CNIH3: variants seen among roughly 807,000 people sequenced by gnomAD.
CNIH3 encodes protein cornichon homolog 3.
CNIH3 carries 14 observed loss-of-function variants against 24.1 expected under a neutral mutation model. That is an observed-to-expected ratio of 0.58 (90% CI 0.38 to 0.91). CNIH3 has a LOEUF of 0.91. CNIH3 is among the 40% of genes least tolerant of loss of function. CNIH3 has a pLI of 0.00. For missense variants in CNIH3, 178 were observed against 196.8 expected (o/e 0.90, Z 0.57); for synonymous variants, 68 against 73.8 (o/e 0.92, Z 0.40).
chr1:224,498,675 C>T (rs1269450529), intron 1 of CNIH3, among the ~76,000 whole-genome samples: 2 of 152,162 alleles, frequency 1.3e-5, no homozygotes, highest in Non-Finnish European at 2.9e-5. Flanking sequence ...GTTTGGAATG[C>T]AGGTGGGAGT....
upstream of CNIH3, among the ~76,000 whole-genome samples, chr1:224,614,412 A>G (rs1242546527): frequency 6.6e-6 from 1 of 152,128 alleles, no homozygotes; most frequent in Non-Finnish European, 1.5e-5. Context: ...TGTGGTGCAC[A>G]CCTATAATCC....
chr1:224,732,758 G>A (rs1364445404), intron 4 of CNIH3, among the ~76,000 whole-genome samples: 1 of 152,206 alleles, frequency 6.6e-6, no homozygotes, highest in Admixed American at 6.5e-5. Context: ...GCTTCGTGGG[G>A]CTAGCGCTTG....
At chr1:224,617,330 C>A in intron 1 of CNIH3, 75 bp downstream of exon 1, 2 of 1,531,814 alleles carry the variant, frequency 1.3e-6, no homozygotes, top group Non-Finnish European at 1.8e-6. Flanking sequence ...CCACTTTTTC[C>A]ACCTTGCGGG....
At chr1:224,480,715 C>T (rs774253795) in intron 1 of CNIH3, among the ~76,000 whole-genome samples, 28 of 152,178 alleles carry the variant, frequency 1.8e-4, no homozygotes, top group Admixed American at 1.2e-3. Flanking sequence ...CCCCAGTTCC[C>T]GACAAGTTCC....
chr1:224,494,054 A>C (rs947937682), intron 1 of CNIH3, among the ~76,000 whole-genome samples: 1 of 152,198 alleles, frequency 6.6e-6, no homozygotes, highest in Non-Finnish European at 1.5e-5. Flanking sequence ...ATCAGTAATA[A>C]TGTCTTTCAG....
intron 3 of CNIH3, among the ~76,000 whole-genome samples, chr1:224,603,304 G>T (rs1050201562): frequency 6.6e-6 from 1 of 152,226 alleles, no homozygotes; most frequent in African/African-American, 2.4e-5. Flanking sequence ...GACTCAATCA[G>T]CTTCTGCTTA....
chr1:224,702,717 G>A (rs1411110536), intron 3 of CNIH3, among the ~76,000 whole-genome samples: 1 of 152,204 alleles, frequency 6.6e-6, no homozygotes, highest in African/African-American at 2.4e-5. Flanking sequence ...CACCTGATTG[G>A]TCAAGGGGGC....
intron 2 of CNIH3, among the ~76,000 whole-genome samples, chr1:224,532,550 G>T (rs1337793665): frequency 2.0e-5 from 3 of 152,232 alleles, no homozygotes; most frequent in Non-Finnish European, 4.4e-5. Flanking sequence ...GTGGGCAGAA[G>T]TGGTTGTATT....
At chr1:224,528,497 T>C (rs894429232) in intron 2 of CNIH3, among the ~76,000 whole-genome samples, 1 of 151,938 alleles carries the variant, frequency 6.6e-6, no homozygotes, top group Non-Finnish European at 1.5e-5. Flanking sequence ...TTAAAAAAAT[T>C]TTTTTAGAGA....
intron 1 of CNIH3, among the ~76,000 whole-genome samples, chr1:224,644,060 G>T (rs1486142463): frequency 2.0e-5 from 3 of 152,210 alleles, no homozygotes; most frequent in African/African-American, 7.2e-5. Context: ...TAGACTGAAA[G>T]CTTCATGAAG....
chr1:224,505,028 CCCTCCCTTCCTT>C (rs1266280333), intron 1 of CNIH3, among the ~76,000 whole-genome samples: 1 of 49,912 alleles, frequency 2.0e-5, no homozygotes, highest in African/African-American at 8.6e-5. Flanking sequence ...CTCCCTCCCT[CCCTCCCTTCCTT>C]CCTTCCTTCC....
At chr1:224,630,555 T>G (rs1683768138) in intron 1 of CNIH3, among the ~76,000 whole-genome samples, 1 of 152,244 alleles carries the variant, frequency 6.6e-6, no homozygotes, top group Non-Finnish European at 1.5e-5. Flanking sequence ...CATCCCACAC[T>G]TACCTGGCCA....
intron 3 of CNIH3, among the ~76,000 whole-genome samples, chr1:224,693,595 G>C (rs1005468565): frequency 6.6e-6 from 1 of 152,202 alleles, no homozygotes; most frequent in African/African-American, 2.4e-5. Flanking sequence ...CCTGAGGCTT[G>C]TTCTCCTGGT....
At chr1:224,638,811 A>G (rs1684217552) in intron 1 of CNIH3, among the ~76,000 whole-genome samples, 1 of 152,228 alleles carries the variant, frequency 6.6e-6, no homozygotes, top group East Asian at 1.9e-4. Flanking sequence ...AATGAAGTTC[A>G]TCACCTTGTC....
intron 3 of CNIH3, among the ~76,000 whole-genome samples, chr1:224,609,134 C>T (rs1682566913): frequency 6.6e-6 from 1 of 152,154 alleles, no homozygotes; most frequent in African/African-American, 2.4e-5. Context: ...CTCTCCTGCC[C>T]TGCTCATCTC....
At chr1:224,506,615 T>TA (rs1297112390) in intron 1 of CNIH3, among the ~76,000 whole-genome samples, 2 of 152,172 alleles carry the variant, frequency 1.3e-5, no homozygotes, top group African/African-American at 4.8e-5. Flanking sequence ...TTAAACCTGA[T>TA]ACAGCCCTTT....
intron 4 of CNIH3, among the ~76,000 whole-genome samples, chr1:224,571,525 G>A (rs1249048328): frequency 2.0e-5 from 3 of 152,100 alleles, no homozygotes; most frequent in African/African-American, 7.2e-5. Context: ...AGGAGTTCAA[G>A]ACCAGCCTGG....
chr1:224,443,281 C>T (rs2102948779), intron 1 of CNIH3, among the ~76,000 whole-genome samples: 1 of 152,306 alleles, frequency 6.6e-6, no homozygotes, highest in African/African-American at 2.4e-5. Context: ...CACATTAAGT[C>T]AGAAGGCCCT....
intron 3 of CNIH3, among the ~76,000 whole-genome samples, chr1:224,705,092 T>C (rs567909971): frequency 4.8e-4 from 73 of 152,104 alleles, no homozygotes; most frequent in Non-Finnish European, 9.1e-4. Context: ...CACTCCAGCC[T>C]GGACAAGAGC....
Sources: gnomAD v4.1 joint callset for allele counts (sites outside exome capture counted in the v4.1 genomes callset) on GRCh38, gnomAD v4.1.1 for gene constraint, MANE v1.5 for transcripts, NCBI Gene and HGNC (gene_info 2026-07-23, HGNC 2026-07-21) for gene names.